The following RRP15 variants were observed in gnomAD, a reference collection of about 807,000 sequenced individuals.
RRP15 encodes ribosomal RNA processing 15 homolog.
RRP15 carries 18 observed loss-of-function variants against 27.1 expected under a neutral mutation model. The ratio of observed to expected loss-of-function variants is 0.66; its 90% CI spans 0.46 to 0.98. RRP15 has a LOEUF of 0.98. Among genes scored for constraint, RRP15 ranks in the 50% least tolerant of loss-of-function variants. The probability of loss-of-function intolerance (pLI) is 0.00; values close to 1 mark genes in which losing one functional copy is unlikely to be tolerated. For synonymous variants in RRP15, 107 were observed against 109.4 expected, an observed-to-expected ratio of 0.98 and a Z score of 0.14; for missense variants, 359 against 337.8, an observed-to-expected ratio of 1.06 and a Z score of -0.49.
intron 4 of RRP15, among the ~76,000 whole-genome samples, chr1:218,319,650 T>G (rs1656155100): frequency 6.6e-6 from 1 of 152,186 alleles, no homozygotes; most frequent in African/African-American, 2.4e-5. Flanking sequence ...TCTAAATTGT[T>G]TGTTGAGTTC....
At chr1:218,305,978 C>T (rs1257579999) in intron 3 of RRP15, among the ~76,000 whole-genome samples, 1 of 151,984 alleles carries the variant, frequency 6.6e-6, no homozygotes, top group East Asian at 1.9e-4. Context: ...GATAATATAC[C>T]TAGCCTATAG....
intron 1 of RRP15, among the ~76,000 whole-genome samples, chr1:218,301,079 A>G (rs1655803154): frequency 6.6e-6 from 1 of 152,222 alleles, no homozygotes; most frequent in Non-Finnish European, 1.5e-5. Flanking sequence ...TTGATAGGAA[A>G]AGTTTCAGCT....
intron 1 of RRP15, among the ~76,000 whole-genome samples, chr1:218,288,049 A>G (rs542533313): frequency 1.1e-3 from 163 of 152,354 alleles, no homozygotes; most frequent in Non-Finnish European, 1.9e-3. Flanking sequence ...AGTGACTAGA[A>G]GTAAAACTGG....
chr1:218,306,745 A>G (rs967113845), intron 3 of RRP15, among the ~76,000 whole-genome samples: 1 of 152,200 alleles, frequency 6.6e-6, no homozygotes, highest in Non-Finnish European at 1.5e-5. Context: ...TATAAAATGA[A>G]AGAGGTGAAA....
At chr1:218,324,174 C>A (rs1203248741) in intron 4 of RRP15, among the ~76,000 whole-genome samples, 1 of 152,168 alleles carries the variant, frequency 6.6e-6, no homozygotes, top group African/African-American at 2.4e-5. Flanking sequence ...GGCCCCATCG[C>A]TGTGATTCCC....
chr1:218,307,993 A>G (rs751980956), intron 4 of RRP15, among the ~76,000 whole-genome samples: 1 of 150,830 alleles, frequency 6.6e-6, no homozygotes, highest in Admixed American at 6.6e-5. Flanking sequence ...GATTAAGAGC[A>G]TAAATACTTT....
chr1:218,298,833 A>C (rs1197317523), intron 1 of RRP15, among the ~76,000 whole-genome samples: 1 of 152,178 alleles, frequency 6.6e-6, no homozygotes, highest in African/African-American at 2.4e-5. Context: ...TTAATAGAGA[A>C]CACTGCCATG....
intron 4 of RRP15, among the ~76,000 whole-genome samples, chr1:218,323,997 G>A (rs1656230959): frequency 6.6e-6 from 1 of 152,176 alleles, no homozygotes; most frequent in Admixed American, 6.5e-5. Flanking sequence ...CCGGGACTTG[G>A]GTTGCTGCAG....
intron 1 of RRP15, among the ~76,000 whole-genome samples, chr1:218,292,366 G>A (rs1285002671): frequency 3.3e-5 from 5 of 152,120 alleles, no homozygotes; most frequent in South Asian, 2.1e-4. Context: ...TGCACAACCC[G>A]TCAGCATTAT....
chr1:218,325,984 T>C (rs1348564924), intron 4 of RRP15, among the ~76,000 whole-genome samples: 8 of 152,188 alleles, frequency 5.3e-5, no homozygotes, highest in Admixed American at 5.2e-4. Context: ...TTAAGCTCTT[T>C]GTTATTCTCC....
chr1:218,311,258 G>A (rs183496314), intron 4 of RRP15, among the ~76,000 whole-genome samples: 10 of 152,000 alleles, frequency 6.6e-5, no homozygotes, highest in African/African-American at 1.9e-4. Context: ...ATCAGTACTA[G>A]ATACTATCTT....
chr1:218,296,561 G>A (rs771331622), intron 1 of RRP15, among the ~76,000 whole-genome samples: 87 of 151,586 alleles, frequency 5.7e-4, no homozygotes, highest in African/African-American at 1.9e-3. Flanking sequence ...GGAGAGGATT[G>A]TGTGAGCCTG....
intron 1 of RRP15, among the ~76,000 whole-genome samples, chr1:218,298,391 A>G (rs1235632139): frequency 1.3e-5 from 2 of 152,154 alleles, no homozygotes; most frequent in South Asian, 2.1e-4. Context: ...TATTCACCCT[A>G]CTAAACTCCT....
chr1:218,309,745 C>T (rs1022926679), intron 4 of RRP15, among the ~76,000 whole-genome samples: 7 of 149,868 alleles, frequency 4.7e-5, no homozygotes, highest in Non-Finnish European at 1.5e-5. Context: ...CAGGTGTTAT[C>T]CTTGTTGTGT....
intron 1 of RRP15, among the ~76,000 whole-genome samples, chr1:218,301,080 A>T (rs1655803188): frequency 6.6e-6 from 1 of 152,196 alleles, no homozygotes; most frequent in Non-Finnish European, 1.5e-5. Context: ...TGATAGGAAA[A>T]GTTTCAGCTA....
chr1:218,293,011 T>A (rs1655669476), intron 1 of RRP15, among the ~76,000 whole-genome samples: 1 of 151,940 alleles, frequency 6.6e-6, no homozygotes, highest in African/African-American at 2.4e-5. Flanking sequence ...CTTATTATTT[T>A]AAAACTTTTT....
At position 218,302,542 on chromosome 1, in the gene RRP15, C is replaced by G; in HGVS notation, c.388C>G (p.Leu130Val). The change falls in exon 2 of 5, where the codon CTA (leucine) becomes GTA (valine). Residue 130 changes from leucine (L) to valine (V), a missense_variant. Transcript: ENST00000366932. ...KEKEKLKQER[L>V]EKIKQRDKRL... ...AAAAGAAAAGTTAAAGCAAGAAAGA[C>G]TAGAGAAAATAAAACAGGTATGTTC... is the stretch of plus-strand genomic sequence containing the variant. The G allele has an allele frequency of 1.2e-6, 2 of 1,612,296 alleles. No individual in the cohort carries two copies. Among genetic ancestry groups the G allele is most frequent in the Middle Eastern group, 1.7e-4 (1 of 6,016 alleles).
rs1656460566 is a variant in RRP15 at position 218,337,083 on chromosome 1, C to T, written c.*5992C>T. On this transcript the variant is annotated 3_prime_UTR_variant, in exon 5 of 5. Transcript: ENST00000366932. ...GTAAGGCTAGCATGTAAATCAGATA[C>T]AATAATATATAGTTCAGGGTGTAAA... 2 of 152,272 alleles carry T rather than the reference C, an allele frequency of 1.3e-5. No homozygotes were observed. Among genetic ancestry groups the T allele is most frequent in the African/African-American group, 4.8e-5 (2 of 41,552 alleles). The allele number at this position is 152,272 out of a possible 1,614,324, so 9.4% of individuals were successfully genotyped here. A position where few individuals can be genotyped will look rare whatever the true frequency, so the allele number is the denominator to read the frequency against.
intron 4 of RRP15, among the ~76,000 whole-genome samples, chr1:218,320,008 G>T (rs1656160864): frequency 6.8e-6 from 1 of 146,360 alleles, no homozygotes; most frequent in Non-Finnish European, 1.5e-5. Context: ...GACTTTTCAG[G>T]TACCTTAGGT....
Sources: allele counts gnomAD v4.1 joint callset (sites outside exome capture counted in the v4.1 genomes callset), GRCh38; gene constraint gnomAD v4.1.1; transcripts MANE v1.5; gene names NCBI Gene and HGNC (gene_info 2026-07-23, HGNC 2026-07-21).